Variants in PCGF5 observed in about 807,000 individuals in gnomAD.
The protein encoded by PCGF5 is polycomb group ring finger 5.
In PCGF5, 9 loss-of-function variants were observed where a neutral mutation model predicts 44.3. The observed-to-expected ratio is 0.20, with a 90% CI of 0.12 to 0.35. The LOEUF (loss-of-function observed/expected upper bound fraction) is 0.35. Ranked by LOEUF, PCGF5 falls within the 10% of genes least tolerant of loss-of-function variation. PCGF5 has a pLI of 1.00. For synonymous variants in PCGF5, 95 were observed against 102.5 expected, an observed-to-expected ratio of 0.93 and a Z score of 0.44; for missense variants, 146 against 305.3, an observed-to-expected ratio of 0.48 and a Z score of 3.89.
chr10:91,266,103 C>A (rs1046513839), intron 8 of PCGF5, among the ~76,000 whole-genome samples: 13 of 152,252 alleles, frequency 8.5e-5, no homozygotes, highest in Admixed American at 4.6e-4. Context: ...GTAGTAAATT[C>A]TTTCTTACCC....
intron 3 of PCGF5, among the ~76,000 whole-genome samples, chr10:91,241,748 G>A (rs1464164326): frequency 2.0e-5 from 3 of 151,120 alleles, no homozygotes; most frequent in African/African-American, 7.3e-5. Context: ...TCTTATCTGT[G>A]TGATATTTGC....
chr10:91,199,144 G>T (rs1436745103), intron 1 of PCGF5, among the ~76,000 whole-genome samples: 1 of 152,136 alleles, frequency 6.6e-6, no homozygotes. Context: ...GCATTCAAGG[G>T]ATCATCCCTG....
At chr10:91,231,771 C>T (rs1036830012) in intron 2 of PCGF5, among the ~76,000 whole-genome samples, 14 of 152,142 alleles carry the variant, frequency 9.2e-5, no homozygotes, top group Non-Finnish European at 1.9e-4. Context: ...ACTACTATGT[C>T]GAAAGCAGAC....
At chr10:91,277,642 C>G (rs572324019) in intron 9 of PCGF5, among the ~76,000 whole-genome samples, 1 of 152,292 alleles carries the variant, frequency 6.6e-6, no homozygotes, top group African/African-American at 2.4e-5. Context: ...ATAGTCAAAT[C>G]CAAATGTTTA....
chr10:91,247,427 T>G (rs552563917), intron 3 of PCGF5, among the ~76,000 whole-genome samples: 1 of 152,256 alleles, frequency 6.6e-6, no homozygotes, highest in East Asian at 1.9e-4. Context: ...TTCACATTTT[T>G]TTCCAGTTAG....
At chr10:91,170,660 G>A (rs1843587866) in intron 1 of PCGF5, among the ~76,000 whole-genome samples, 1 of 152,182 alleles carries the variant, frequency 6.6e-6, no homozygotes, top group Non-Finnish European at 1.5e-5. Flanking sequence ...TATTACTAGT[G>A]GGAATGTCAA....
chr10:91,182,892 G>A (rs531428512), intron 1 of PCGF5, among the ~76,000 whole-genome samples: 94 of 152,290 alleles, frequency 6.2e-4, no homozygotes, highest in Middle Eastern at 3.4e-3. Context: ...TAATTCAGGA[G>A]CAGGTTATTC....
At chr10:91,195,963 C>T (rs1174423399) in intron 1 of PCGF5, among the ~76,000 whole-genome samples, 1 of 150,610 alleles carries the variant, frequency 6.6e-6, no homozygotes, top group African/African-American at 2.5e-5. Context: ...CCACAGGACA[C>T]CCTCCAAGAA....
intron 1 of PCGF5, among the ~76,000 whole-genome samples, chr10:91,211,972 A>G (rs748485726): frequency 6.6e-6 from 1 of 152,206 alleles, no homozygotes; most frequent in South Asian, 2.1e-4. Context: ...TCCTGCCTCC[A>G]TTGTCAGGAG....
At chr10:91,198,563 C>T (rs985898515) in intron 1 of PCGF5, among the ~76,000 whole-genome samples, 2 of 152,216 alleles carry the variant, frequency 1.3e-5, no homozygotes, top group Non-Finnish European at 2.9e-5. Context: ...AGCAGCATCA[C>T]TGGCTTTCTC....
At chr10:91,213,948 A>G (rs2133257219) in intron 1 of PCGF5, among the ~76,000 whole-genome samples, 1 of 152,322 alleles carries the variant, frequency 6.6e-6, no homozygotes, top group South Asian at 2.1e-4. Context: ...TGGAAAGGTC[A>G]TATTCTTTGA....
intron 2 of PCGF5, chr10:91,228,037 G>A: frequency 1.3e-6 from 1 of 762,986 alleles, no homozygotes; most frequent in Non-Finnish European, 1.6e-6. Context: ...TTGTTGGTTA[G>A]GAATTACAAA....
chr10:91,216,997 C>CACTCTATGTTAAAATATTAA (rs1844553226), upstream of PCGF5, among the ~76,000 whole-genome samples: 1 of 152,030 alleles, frequency 6.6e-6, no homozygotes, highest in African/African-American at 2.4e-5. Flanking sequence ...AAATATTAAA[C>CACTCTATGTTAAAATATTAA]AGCATTCTTA....
chr10:91,209,235 A>C (rs1329267925), intron 1 of PCGF5, among the ~76,000 whole-genome samples: 1 of 152,126 alleles, frequency 6.6e-6, no homozygotes, highest in Non-Finnish European at 1.5e-5. Context: ...TCTATTAATT[A>C]TGTTAATTGA....
At position 91,195,471 on chromosome 10, in the gene PCGF5, C is replaced by CATAT. The variant is rs3068529; in HGVS notation, c.-183-27206_-183-27203dup. Among the ~76,000 whole-genome samples the CATAT allele has an allele frequency of 7.0e-3, 973 of 138,744 alleles. 7 individuals carry two copies. The highest frequency in any genetic ancestry group is 0.02 in the African/African-American group (689 of 35,292). 91.0% of individuals were successfully genotyped at this position (138,744 alleles called of 152,430 possible). The stretch of plus-strand genomic sequence containing the variant: ...ATATATGCATATATATATATGCATG[C>CATAT]ATATATATATATATAGAGAGAGAGA... On this transcript the variant is annotated intron_variant, in intron 1 of 9. Coordinates refer to the PCGF5 transcript ENST00000614189.
intron 1 of PCGF5, among the ~76,000 whole-genome samples, chr10:91,180,282 C>T (rs1843795608): frequency 1.3e-5 from 2 of 152,008 alleles, no homozygotes; most frequent in South Asian, 2.1e-4. Flanking sequence ...AAATTTTCTC[C>T]CATTCTGTAG....
chr10:91,263,279 C>G (rs1266827029), intron 7 of PCGF5, among the ~76,000 whole-genome samples: 4 of 151,780 alleles, frequency 2.6e-5, no homozygotes, highest in Non-Finnish European at 5.9e-5. Context: ...TAAGTGAGAC[C>G]CTTTACTTTG....
chr10:91,188,802 C>T (rs2133207929), intron 1 of PCGF5, among the ~76,000 whole-genome samples: 1 of 152,288 alleles, frequency 6.6e-6, no homozygotes. Flanking sequence ...GCCTGTTGAC[C>T]TACCCAACCT....
intron 9 of PCGF5, among the ~76,000 whole-genome samples, chr10:91,273,294 A>G (rs1193517127): frequency 1.3e-5 from 2 of 152,130 alleles, no homozygotes; most frequent in African/African-American, 2.4e-5. Flanking sequence ...CTGATTTGGG[A>G]ATGCTGAATT....
Sources: allele counts gnomAD v4.1 joint callset (sites outside exome capture counted in the v4.1 genomes callset), GRCh38; gene constraint gnomAD v4.1.1; transcripts MANE v1.5; gene names NCBI Gene and HGNC (gene_info 2026-07-23, HGNC 2026-07-21).